The following DRD3 variants were observed in gnomAD, a reference collection of about 807,000 sequenced individuals.
The protein encoded by DRD3 is D(3) dopamine receptor.
A neutral mutation model predicts 36.3 loss-of-function variants in DRD3; 19 were observed. The ratio of observed to expected loss-of-function variants is 0.52; its 90% CI spans 0.36 to 0.77. DRD3 has a LOEUF of 0.77. Among genes scored for constraint, DRD3 ranks in the 30% least tolerant of loss-of-function variants. The probability of loss-of-function intolerance (pLI) is 0.00; values close to 1 mark genes in which losing one functional copy is unlikely to be tolerated. For synonymous variants in DRD3, 195 were observed against 203.7 expected (o/e 0.96, Z 0.36); for missense variants, 465 against 505.3 (o/e 0.92, Z 0.77).
chr3:114,165,388 G>A (rs556741401), intron 2 of DRD3, among the ~76,000 whole-genome samples: 14 of 151,958 alleles, frequency 9.2e-5, no homozygotes, highest in South Asian at 2.1e-4. Flanking sequence ...CTGAGATTGC[G>A]CCACTGCACT....
chr3:114,147,860 A>G (rs1216798953), intron 3 of DRD3, among the ~76,000 whole-genome samples: 3 of 151,970 alleles, frequency 2.0e-5, no homozygotes, highest in East Asian at 1.9e-4. Context: ...GGCTCAAGCA[A>G]CTCTCTGGCT....
At chr3:114,132,736 T>C (rs1199613838) in intron 5 of DRD3, among the ~76,000 whole-genome samples, 1 of 152,158 alleles carries the variant, frequency 6.6e-6, no homozygotes. Flanking sequence ...CCCCGAAATG[T>C]GGAGTGTGGG....
Position 114,139,558 on chromosome 3 carries a change from C to G in DRD3, c.665G>C (p.Arg222Thr). 1 of 1,614,124 alleles carries G rather than the reference C, an allele frequency of 6.2e-7. No homozygotes were observed. The highest frequency in any genetic ancestry group is 1.7e-5 in the Admixed American group (1 of 60,012). The change falls in exon 5 of 7, where the codon AGG becomes ACG. Residue 222 changes from arginine (R) to threonine (T), a missense_variant. Coordinates refer to ENST00000383673, the MANE Select transcript of DRD3 (RefSeq NM_000796.6). Reference sequence around the variant, plus strand: ...CTGACTGTTCTGTCGAGTGAGGATCCTTTTCCGTCTCCTTTGTTTCAGCAC... The same window carrying G: ...CTGACTGTTCTGTCGAGTGAGGATCGTTTTCCGTCTCCTTTGTTTCAGCAC... ...YVVLKQRRRKRILTRQNSQCN... is the reference protein window; with the variant it reads ...YVVLKQRRRKTILTRQNSQCN...
intron 4 of DRD3, among the ~76,000 whole-genome samples, chr3:114,144,695 A>ATTGTTATTATG (rs2077555457): frequency 1.3e-5 from 2 of 152,216 alleles, no homozygotes; most frequent in South Asian, 4.1e-4. Context: ...AACAACCATA[A>ATTGTTATTATG]CACCAGCTAA....
intron 4 of DRD3, among the ~76,000 whole-genome samples, chr3:114,140,545 TATCCCACCTA>T (rs1197960189): frequency 6.6e-6 from 1 of 152,206 alleles, no homozygotes; most frequent in African/African-American, 2.4e-5. Context: ...TTGTACCCCT[TATCCCACCTA>T]ATAATTAAGG....
intron 1 of DRD3, among the ~76,000 whole-genome samples, chr3:114,174,397 T>C (rs2077877855): frequency 6.6e-6 from 1 of 152,128 alleles, no homozygotes; most frequent in Admixed American, 6.5e-5. Flanking sequence ...GCATAAAACC[T>C]TAGGATACTT....
intron 3 of DRD3, among the ~76,000 whole-genome samples, chr3:114,157,800 T>C (rs1025751157): frequency 1.3e-5 from 2 of 150,920 alleles, no homozygotes; most frequent in South Asian, 2.1e-4. Flanking sequence ...CATTAAAGAG[T>C]GTGTTTAAAA....
At chr3:114,142,047 C>CAAAAAAA (rs771946847) in intron 4 of DRD3, among the ~76,000 whole-genome samples, 3 of 64,714 alleles carry the variant, frequency 4.6e-5, no homozygotes, top group Non-Finnish European at 8.3e-5. Flanking sequence ...GACTCTCTCT[C>CAAAAAAA]AAAAAAAAAA....
At chr3:114,140,909 C>T (rs1031844107) in intron 4 of DRD3, among the ~76,000 whole-genome samples, 1 of 152,182 alleles carries the variant, frequency 6.6e-6, no homozygotes, top group African/African-American at 2.4e-5. Context: ...CCATGTAGGA[C>T]CCTTATTCTG....
upstream of DRD3, among the ~76,000 whole-genome samples, chr3:114,183,492 G>C (rs1447940406): frequency 6.6e-6 from 1 of 151,910 alleles, no homozygotes; most frequent in African/African-American, 2.4e-5. Flanking sequence ...TTTTCTGTCT[G>C]GTGGTTCTAT....
At chr3:114,173,297 A>G (rs955792446) in intron 1 of DRD3, among the ~76,000 whole-genome samples, 1 of 152,130 alleles carries the variant, frequency 6.6e-6, no homozygotes, top group Admixed American at 6.5e-5. Flanking sequence ...GTATTTTGTG[A>G]TAGCAGCCCA....
chr3:114,138,290 G>A (rs1222011561), intron 5 of DRD3, among the ~76,000 whole-genome samples: 1 of 151,990 alleles, frequency 6.6e-6, no homozygotes, highest in Non-Finnish European at 1.5e-5. Context: ...TTTCCTGAGT[G>A]TATTAGCCTG....
intron 3 of DRD3, among the ~76,000 whole-genome samples, chr3:114,154,449 G>A (rs1388120391): frequency 6.6e-6 from 1 of 152,100 alleles, no homozygotes; most frequent in Non-Finnish European, 1.5e-5. Context: ...CTCCCCGCCT[G>A]GGTTTAATGA....
At chr3:114,184,174 T>C (rs1232096804) in intron 1 of DRD3, among the ~76,000 whole-genome samples, 2 of 152,198 alleles carry the variant, frequency 1.3e-5, no homozygotes, top group African/African-American at 2.4e-5. Context: ...ACATTTAACA[T>C]CCTAAAGTTA....
Position 114,154,775 on chromosome 3 carries a change from C to T in DRD3, c.383+4980G>A, listed in dbSNP as rs559718024. Among the ~76,000 whole-genome samples the T allele has an allele frequency of 1.5e-4, 23 of 152,148 alleles. No homozygotes were observed. In the South Asian group the frequency reaches 4.2e-3, roughly 28 times the overall value. On this transcript the variant is annotated intron_variant, in intron 3 of 6. Coordinates refer to ENST00000383673, the MANE Select transcript of DRD3 (RefSeq NM_000796.6). ...AATTTGGCTGCATTATTCCTGGGCT[C>T]CTCTCGGAGGACTCTAATTCTCACC...
At chr3:114,181,767 T>C (rs1234579235), upstream of DRD3, among the ~76,000 whole-genome samples, 6 of 152,180 alleles carry the variant, frequency 3.9e-5, no homozygotes, top group African/African-American at 1.4e-4. Context: ...GTGATTTTGT[T>C]TGAAAGGAAA....
chr3:114,187,103 A>G lies in DRD3; in HGVS notation c.-155-8327T>C, dbSNP rs1295298188. The stretch of plus-strand genomic sequence containing the variant: ...TGTATCATGGGGAATAAGATGGAGG[A>G]GTAGTAGAGGCACTTTAACTTTTTC... On this transcript the variant is annotated intron_variant, in intron 1 of 7. Coordinates refer to the DRD3 transcript ENST00000460779. Among the ~76,000 whole-genome samples the G allele has an allele frequency of 3.9e-5, 6 of 152,322 alleles. No individual in the cohort carries two copies. In the East Asian group the frequency reaches 7.7e-4, roughly 20 times the overall value.
chr3:114,187,337 T>G lies in DRD3; in HGVS notation c.-155-8561A>C, dbSNP rs2077981079. Among the ~76,000 whole-genome samples the G allele has an allele frequency of 2.6e-5, 4 of 152,244 alleles. No homozygotes were observed. The South Asian group carries it at 8.3e-4, about 31-fold the overall frequency. On this transcript the variant is annotated intron_variant, in intron 1 of 7. Transcript: ENST00000460779. Reference sequence around the variant, plus strand: ...CTGCCCTAGAGCACAAAGGAGCAGCTTTATCTTCATATCTTGTTTTTCAAG... The same window carrying G: ...CTGCCCTAGAGCACAAAGGAGCAGCGTTATCTTCATATCTTGTTTTTCAAG...
rs552895591 is a variant in DRD3, at chr3:114,159,474, A to G, written c.383+281T>C. Among the ~76,000 whole-genome samples, 36 of 148,124 alleles carry G rather than the reference A, an allele frequency of 2.4e-4. No individual in the cohort carries two copies. The South Asian group carries it at 3.6e-3, about 15-fold the overall frequency. On this transcript the variant is annotated intron_variant, in intron 3 of 6. Coordinates refer to ENST00000383673, the MANE Select transcript of DRD3 (RefSeq NM_000796.6). ...GGAAGCTTTCCTTCCTATTAGGAAG[A>G]AAAAAAAAACCCCAAAGGATGGTGG...
Sources: allele counts gnomAD v4.1 joint callset (sites outside exome capture counted in the v4.1 genomes callset), GRCh38; gene constraint gnomAD v4.1.1; transcripts MANE v1.5; gene names NCBI Gene and HGNC (gene_info 2026-07-23, HGNC 2026-07-21).